KIAA1958: variants seen among roughly 807,000 people sequenced by gnomAD.
KIAA1958 encodes KIAA1958, also known as uncharacterized protein KIAA1958.
KIAA1958 carries 14 observed loss-of-function variants against 47.2 expected under a neutral mutation model. The ratio of observed to expected loss-of-function variants is 0.30; its 90% CI spans 0.20 to 0.46. The LOEUF is 0.46. Ranked by LOEUF, KIAA1958 falls within the 20% of genes least tolerant of loss-of-function variation. KIAA1958 has a pLI of 1.00. For missense variants in KIAA1958, 803 were observed against 909.2 expected, an observed-to-expected ratio of 0.88 and a Z score of 1.50; for synonymous variants, 354 against 353.3, an observed-to-expected ratio of 1.00 and a Z score of -0.02.
intron 2 of KIAA1958, among the ~76,000 whole-genome samples, chr9:112,633,205 CTTT>C (rs757103610): frequency 2.1e-5 from 3 of 140,690 alleles, no homozygotes; most frequent in African/African-American, 2.6e-5. Flanking sequence ...TGTTATGATA[CTTT>C]TTTTTTTTTT....
In KIAA1958 at chr9:112,664,925, T is replaced by G. The variant is rs1837333013; in HGVS notation, c.*4856T>G. On this transcript the variant is annotated 3_prime_UTR_variant, in exon 4 of 4. Transcript: ENST00000337530. ...CACGCTTCAGGCAAAGTTTACCCAT[T>G]ATTATTATGATTTTGAATATTCCTT... The G allele has an allele frequency of 6.6e-6, 1 of 152,200 alleles. No homozygotes were observed. The highest frequency in any genetic ancestry group is 2.4e-5 in the African/African-American group (1 of 41,440). The allele number at this position is 152,200 out of a possible 1,614,324, so 9.4% of individuals were successfully genotyped here.
At chr9:112,596,309 A>T (rs1015633818) in intron 2 of KIAA1958, among the ~76,000 whole-genome samples, 4 of 152,166 alleles carry the variant, frequency 2.6e-5, no homozygotes, top group Admixed American at 6.5e-5. Flanking sequence ...ATATCTTTTT[A>T]AAAAATAGTA....
intron 2 of KIAA1958, among the ~76,000 whole-genome samples, chr9:112,630,432 G>C (rs1836690391): frequency 1.3e-5 from 2 of 152,122 alleles, no homozygotes; most frequent in Admixed American, 1.3e-4. Context: ...ATCGCTTGAA[G>C]CTGGGAGTTT....
At chr9:112,635,864 T>G (rs1457166294) in intron 2 of KIAA1958, among the ~76,000 whole-genome samples, 5 of 151,844 alleles carry the variant, frequency 3.3e-5, no homozygotes, top group African/African-American at 1.2e-4. Flanking sequence ...TGATTTATGT[T>G]CTTAATTGTA....
chr9:112,493,182 A>G (rs139882282), intron 1 of KIAA1958, among the ~76,000 whole-genome samples: 2 of 148,530 alleles, frequency 1.3e-5, no homozygotes, highest in Non-Finnish European at 3.0e-5. Flanking sequence ...TTTTTCAGCT[A>G]TTGGTCTTGC....
At position 112,543,567 on chromosome 9, in the gene KIAA1958, C is replaced by CTTTTTTTT. The variant is rs138422704; in HGVS notation, c.-24-30475_-24-30468dup. ...ACTTTACCATTGAGCTTCTGAGCTTCTTTTTTTTTTTTTTTTTTTTTTGAG... is the reference window on the plus strand; with the variant it reads ...ACTTTACCATTGAGCTTCTGAGCTTCTTTTTTTTTTTTTTTTTTTTTTTTTTTTTTGAG... On this transcript the variant is annotated intron_variant, in intron 1 of 3. Coordinates refer to ENST00000337530, the MANE Select transcript of KIAA1958 (RefSeq NM_133465.4). 1.1e-3 allele frequency among the ~76,000 whole-genome samples: 120 copies of CTTTTTTTT among 108,120 alleles called. 3 individuals carry two copies. Among genetic ancestry groups the CTTTTTTTT allele is most frequent in the African/African-American group, 4.1e-3 (115 of 28,212 alleles). The allele number at this position is 108,120 out of a possible 152,430, so 70.9% of individuals were successfully genotyped here.
rs753446002 is a variant in KIAA1958, at chr9:112,659,760, C to A, written c.1842C>A (p.His614Gln). 1 of 1,614,122 alleles carries A rather than the reference C, an allele frequency of 6.2e-7. No individual in the cohort carries two copies. The highest frequency in any genetic ancestry group is 1.7e-5 in the Admixed American group (1 of 60,026). Residue 614 changes from histidine to glutamine, a missense_variant, in exon 4 of 4, where the codon CAC (histidine) becomes CAA (glutamine). His to Gln is a conservative substitution (Grantham distance 24). Transcript: ENST00000337530. ...ESRSGSTRVC[H>Q]GKIYHEHSRG... ...GGAGCGGCTCCACCAGAGTGTGTCA[C>A]GGGAAGATCTACCATGAGCATTCCC...
intron 1 of KIAA1958, among the ~76,000 whole-genome samples, chr9:112,503,604 G>A (rs568573788): frequency 7.5e-5 from 9 of 120,724 alleles, no homozygotes; most frequent in African/African-American, 2.9e-4. Context: ...GCAACAGAGC[G>A]AGACCCTGTC....
At chr9:112,602,858 T>A (rs1836157829) in intron 2 of KIAA1958, among the ~76,000 whole-genome samples, 1 of 152,222 alleles carries the variant, frequency 6.6e-6, no homozygotes, top group African/African-American at 2.4e-5. Context: ...CCACTCACTT[T>A]TGTTTTTAAT....
At chr9:112,576,294 C>A (rs926470425) in intron 2 of KIAA1958, among the ~76,000 whole-genome samples, 1 of 151,988 alleles carries the variant, frequency 6.6e-6, no homozygotes, top group African/African-American at 2.4e-5. Flanking sequence ...ATATTTATAT[C>A]CTGATTGAAG....
chr9:112,508,976 A>G (rs1461567273), intron 1 of KIAA1958, among the ~76,000 whole-genome samples: 2 of 152,228 alleles, frequency 1.3e-5, no homozygotes, highest in Non-Finnish European at 2.9e-5. Context: ...AAATTATTTG[A>G]TAAAGAAGAT....
At chr9:112,598,993 G>T (rs1017499612) in intron 2 of KIAA1958, among the ~76,000 whole-genome samples, 4 of 152,112 alleles carry the variant, frequency 2.6e-5, no homozygotes, top group African/African-American at 9.7e-5. Context: ...GAGACAGGAG[G>T]ATCGCTTGAG....
chr9:112,491,022 C>T (rs1833959741), intron 1 of KIAA1958, among the ~76,000 whole-genome samples: 1 of 152,210 alleles, frequency 6.6e-6, no homozygotes, highest in Admixed American at 6.5e-5. Context: ...CGCTGGAATA[C>T]AGTGGTGCAA....
chr9:112,653,244 T>C (rs1837092157), intron 3 of KIAA1958, among the ~76,000 whole-genome samples: 1 of 152,168 alleles, frequency 6.6e-6, no homozygotes, highest in African/African-American at 2.4e-5. Flanking sequence ...GGAAGTAGCA[T>C]GAAAAGGTCT....
In KIAA1958 at chr9:112,661,260, A is replaced by G. The variant is rs1386571218; in HGVS notation, c.*1191A>G. The G allele has an allele frequency of 4.6e-5, 7 of 152,234 alleles. No homozygotes were observed. Among genetic ancestry groups the G allele is most frequent in the Non-Finnish European group, 8.8e-5 (6 of 68,036 alleles). The allele number at this position is 152,234 out of a possible 1,614,324, so 9.4% of individuals were successfully genotyped here. On this transcript the variant is annotated 3_prime_UTR_variant, in exon 4 of 4. Coordinates refer to ENST00000337530, the MANE Select transcript of KIAA1958 (RefSeq NM_133465.4). ...ATTAGCGCATAATGGTAGGTAATGC[A>G]GTTTGAAACCATTTCACTCAGGTAA...
chr9:112,564,826 A>G (rs1835400712), intron 1 of KIAA1958, among the ~76,000 whole-genome samples: 1 of 152,236 alleles, frequency 6.6e-6, no homozygotes, highest in Non-Finnish European at 1.5e-5. Context: ...TTGTAATACC[A>G]GTGGCCATGT....
At chr9:112,542,064 A>G (rs536020156) in intron 1 of KIAA1958, among the ~76,000 whole-genome samples, 3 of 152,330 alleles carry the variant, frequency 2.0e-5, no homozygotes, top group South Asian at 2.1e-4. Context: ...TTGCCTTGCA[A>G]GTATACTTTT....
chr9:112,633,358 T>G (rs1033227982), intron 2 of KIAA1958, among the ~76,000 whole-genome samples: 1 of 152,008 alleles, frequency 6.6e-6, no homozygotes, highest in Admixed American at 6.5e-5. Flanking sequence ...TAAAGATTAC[T>G]TAAAGAAATT....
intron 1 of KIAA1958, among the ~76,000 whole-genome samples, chr9:112,500,512 A>G (rs1029238782): frequency 6.6e-6 from 1 of 151,698 alleles, no homozygotes; most frequent in African/African-American, 2.4e-5. Flanking sequence ...CTGGTCTCGA[A>G]CACCTGGGCT....
Sources: gnomAD v4.1 joint callset for allele counts (sites outside exome capture counted in the v4.1 genomes callset) on GRCh38, gnomAD v4.1.1 for gene constraint, MANE v1.5 for transcripts, NCBI Gene and HGNC (gene_info 2026-07-23, HGNC 2026-07-21) for gene names.